PYHIN1: variants seen among roughly 807,000 people sequenced by gnomAD.
PYHIN1 encodes the protein pyrin and HIN domain-containing protein 1.
A neutral mutation model predicts 43.7 loss-of-function variants in PYHIN1; 32 were observed. The ratio of observed to expected loss-of-function variants is 0.73; its 90% CI spans 0.55 to 0.98. PYHIN1 has a LOEUF of 0.98. Ranked by LOEUF, PYHIN1 falls within the 50% of genes least tolerant of loss-of-function variation. The probability of loss-of-function intolerance (pLI) is 0.00; values close to 1 mark genes in which losing one functional copy is unlikely to be tolerated. For missense variants in PYHIN1, 588 were observed against 589.5 expected (o/e 1.00, Z 0.03); for synonymous variants, 205 against 203.1 (o/e 1.01, Z -0.08).
intron 7 of PYHIN1, among the ~76,000 whole-genome samples, chr1:158,966,719 A>G (rs1157997016): frequency 6.6e-6 from 1 of 152,086 alleles, no homozygotes; most frequent in Non-Finnish European, 1.5e-5. Flanking sequence ...CTTCAAAATA[A>G]TAAGAACCAT....
intron 7 of PYHIN1, among the ~76,000 whole-genome samples, chr1:158,968,491 C>T (rs920784277): frequency 1.3e-5 from 2 of 151,792 alleles, no homozygotes; most frequent in Admixed American, 6.6e-5. Context: ...TATATACTGC[C>T]AGTGGGAGTG....
At chr1:158,989,495 G>T in the PYHIN1 span, among the ~76,000 whole-genome samples, 4 of 152,126 alleles carry the variant, frequency 2.6e-5, no homozygotes, top group Admixed American at 2.0e-4. Flanking sequence ...GCTAATTATT[G>T]TCTAATTCAA....
chr1:158,946,371 C>T (rs2101668001), intron 7 of PYHIN1, among the ~76,000 whole-genome samples: 1 of 152,226 alleles, frequency 6.6e-6, no homozygotes, highest in Non-Finnish European at 1.5e-5. Context: ...GACCTATGTC[C>T]TTGCTTTTGG....
chr1:158,936,979 A>G lies in PYHIN1; in HGVS notation c.69A>G (p.Arg23=). 1 of 1,612,720 alleles carries G rather than the reference A, an allele frequency of 6.2e-7. No homozygotes were observed. The highest frequency in any genetic ancestry group is 1.1e-5 in the South Asian group (1 of 90,878). The stretch of plus-strand genomic sequence containing the variant: ...AGGTCATCAATGATTATCATTTTAG[A>G]ATTGTTAAGTCCTTACTGAGTAACG... ...GLEVINDYHF[R]IVKSLLSNDL... The change falls in exon 2 of 9, where the codon AGA becomes AGG. Residue 23 remains arginine (R), a synonymous_variant. Transcript: ENST00000368140.
intron 5 of PYHIN1, 131 bp from the exon 6 acceptor site, chr1:158,943,659 A>T: frequency 1.8e-6 from 1 of 554,578 alleles, no homozygotes; most frequent in Non-Finnish European, 3.2e-6. Flanking sequence ...ACTAAGGCAT[A>T]TGTATTGTAT....
downstream of PYHIN1, among the ~76,000 whole-genome samples, chr1:158,980,684 G>C (rs1045313477): frequency 6.6e-6 from 1 of 152,056 alleles, no homozygotes; most frequent in East Asian, 1.9e-4. Context: ...CTCTGCTCTC[G>C]AACCCTGTGT....
At position 158,968,249 on chromosome 1, in the gene PYHIN1, GA is replaced by G. The variant is rs373933122; in HGVS notation, c.1360-5391del. Among the ~76,000 whole-genome samples, 8 of 151,910 alleles carry G rather than the reference GA, an allele frequency of 5.3e-5. 1 individual carries two copies. Among genetic ancestry groups the G allele is most frequent in the African/African-American group, 1.9e-4 (8 of 41,502 alleles). On this transcript the variant is annotated intron_variant, in intron 7 of 8. Coordinates refer to ENST00000368140, the MANE Select transcript of PYHIN1 (RefSeq NM_152501.5). ...ATAAAGAATGTAAACCAATTTACAAGAAAAAAATGAGCCACCCCATTAAAAA... is the reference window on the plus strand; with the variant it reads ...ATAAAGAATGTAAACCAATTTACAAGAAAAAATGAGCCACCCCATTAAAAA...
intron 7 of PYHIN1, among the ~76,000 whole-genome samples, chr1:158,948,815 T>A (rs762097248): frequency 2.6e-5 from 4 of 152,168 alleles, no homozygotes; most frequent in Non-Finnish European, 4.4e-5. Context: ...AATTGACTGG[T>A]AGGAATGCCT....
chr1:158,972,865 A>G (rs1432490190), intron 7 of PYHIN1, among the ~76,000 whole-genome samples: 8 of 152,088 alleles, frequency 5.3e-5, no homozygotes, highest in African/African-American at 1.9e-4. Flanking sequence ...TCACCACAGT[A>G]ATTATAGTAT....
downstream of PYHIN1, among the ~76,000 whole-genome samples, chr1:158,978,574 T>C (rs1390045746): frequency 6.6e-6 from 1 of 152,146 alleles, no homozygotes; most frequent in Non-Finnish European, 1.5e-5. Context: ...AAATACATAA[T>C]ATTCATATTA....
At chr1:158,937,747 C>G (rs1362290161) in intron 2 of PYHIN1, among the ~76,000 whole-genome samples, 1 of 152,062 alleles carries the variant, frequency 6.6e-6, no homozygotes, top group Non-Finnish European at 1.5e-5. Context: ...GAGATCGAGA[C>G]CATCCTGGCT....
downstream of PYHIN1, among the ~76,000 whole-genome samples, chr1:158,979,326 T>C (rs186166641): frequency 2.4e-4 from 37 of 152,302 alleles, no homozygotes; most frequent in South Asian, 1.0e-3. Flanking sequence ...CAGCCCCAGC[T>C]AACCACCATT....
chr1:158,946,838 A>G (rs1046336531), intron 7 of PYHIN1, among the ~76,000 whole-genome samples: 8 of 152,168 alleles, frequency 5.3e-5, no homozygotes, highest in Non-Finnish European at 7.4e-5. Flanking sequence ...TTATGTTGTG[A>G]CTCATATTGA....
chr1:158,940,317 T>C (rs1648837410), intron 4 of PYHIN1: 1 of 151,722 alleles, frequency 6.6e-6, no homozygotes, highest in Non-Finnish European at 1.5e-5. Flanking sequence ...AAAGGTCATC[T>C]GACTCAGTCA....
intron 7 of PYHIN1, among the ~76,000 whole-genome samples, chr1:158,962,928 T>C (rs927707008): frequency 7.2e-5 from 11 of 151,886 alleles, no homozygotes; most frequent in African/African-American, 2.7e-4. Flanking sequence ...TCCCCTTAGT[T>C]CAAGGAAGAA....
rs1357716056 is a variant in PYHIN1 at position 158,952,117 on chromosome 1, T to TG, written c.1359+7075_1359+7076insG. On this transcript the variant is annotated intron_variant, in intron 7 of 8. Transcript: ENST00000368140. ...GCTTTTGCCTGTGTCGGTTTTTTTTTTTTTTTTTTTTCCTGTGCCGCTCCC... is the reference window on the plus strand; with the variant it reads ...GCTTTTGCCTGTGTCGGTTTTTTTTTGTTTTTTTTTTTCCTGTGCCGCTCCC... Among the ~76,000 whole-genome samples the TG allele has an allele frequency of 2.0e-5, 3 of 149,516 alleles. No homozygotes were observed. The East Asian group carries it at 5.9e-4, about 29-fold the overall frequency.
chr1:158,979,434 A>C (rs1430149250), downstream of PYHIN1, among the ~76,000 whole-genome samples: 1 of 152,226 alleles, frequency 6.6e-6, no homozygotes, highest in Non-Finnish European at 1.5e-5. Flanking sequence ...TACACTTAGC[A>C]TAATGCCCTC....
intron 1 of PYHIN1, among the ~76,000 whole-genome samples, chr1:158,934,813 C>T (rs1341582821): frequency 6.6e-6 from 1 of 152,156 alleles, no homozygotes; most frequent in Admixed American, 6.5e-5. Flanking sequence ...GACTGCACCT[C>T]CCGGGTTCAA....
At chr1:158,983,431 T>C in the PYHIN1 span, among the ~76,000 whole-genome samples, 1 of 152,226 alleles carries the variant, frequency 6.6e-6, no homozygotes, top group African/African-American at 2.4e-5. Flanking sequence ...GTTTATGTGA[T>C]AAATCACATT....
Sources: gnomAD v4.1 joint callset for allele counts (sites outside exome capture counted in the v4.1 genomes callset) on GRCh38, gnomAD v4.1.1 for gene constraint, MANE v1.5 for transcripts, NCBI Gene and HGNC (gene_info 2026-07-23, HGNC 2026-07-21) for gene names.